Variants in TMEM254 observed in about 807,000 individuals in gnomAD.
TMEM254 encodes transmembrane protein 254.
TMEM254 carries 16 observed loss-of-function variants against 13.9 expected under a neutral mutation model. The observed-to-expected ratio is 1.15, with a 90% CI of 0.78 to 1.75. The LOEUF (loss-of-function observed/expected upper bound fraction) is 1.75. TMEM254 is among the 40% of genes most tolerant of loss of function. The pLI is 0.00. For missense variants in TMEM254, 155 were observed against 149.0 expected (o/e 1.04, Z -0.21); for synonymous variants, 61 against 56.4 (o/e 1.08, Z -0.36).
intron 1 of TMEM254, chr10:80,079,470 T>C: frequency 7.7e-6 from 8 of 1,036,102 alleles, no homozygotes; most frequent in Non-Finnish European, 9.3e-6. Context: ...CAAGTCAGAA[T>C]AGGGCTTCCG....
At chr10:80,088,973 A>T (rs1301514636) in intron 3 of TMEM254, among the ~76,000 whole-genome samples, 1 of 149,950 alleles carries the variant, frequency 6.7e-6, no homozygotes, top group Non-Finnish European at 1.5e-5. Flanking sequence ...GTTCAGTGGC[A>T]TGATCTTGGC....
intron 3 of TMEM254, among the ~76,000 whole-genome samples, chr10:80,083,209 C>A (rs1294766978): frequency 1.4e-5 from 2 of 145,194 alleles, no homozygotes; most frequent in Non-Finnish European, 3.0e-5. Flanking sequence ...TGGGTTAAAA[C>A]GATTCTGCCT....
At chr10:80,080,613 C>G (rs572762900) in intron 1 of TMEM254, among the ~76,000 whole-genome samples, 1 of 152,164 alleles carries the variant, frequency 6.6e-6, no homozygotes, top group Non-Finnish European at 1.5e-5. Flanking sequence ...TTGCTAATAT[C>G]TTTTATAAAA....
intron 3 of TMEM254, among the ~76,000 whole-genome samples, chr10:80,086,840 CAAAAAAA>C (rs71034279): frequency 7.7e-6 from 1 of 129,536 alleles, no homozygotes; most frequent in East Asian, 2.2e-4. Context: ...GACTCCATTT[CAAAAAAA>C]AAAAAAAAAT....
Position 80,091,123 on chromosome 10 carries a change from A to G in TMEM254, c.*206A>G, listed in dbSNP as rs536984068. On this transcript the variant is annotated 3_prime_UTR_variant, in exon 4 of 4. Transcript: ENST00000372281. ...AGACCAGTTGTTACTTAAGAAAGAA[A>G]CAGAGAAAGATTTTAGCTTTTCAAT... 88 of 521,040 alleles carry G rather than the reference A, an allele frequency of 1.7e-4. 1 individual carries two copies. Among genetic ancestry groups the G allele is most frequent in the Middle Eastern group, 1.1e-3 (2 of 1,854 alleles). 32.3% of individuals were successfully genotyped at this position (521,040 alleles called of 1,614,324 possible).
chr10:80,086,730 A>G (rs1417471167), intron 3 of TMEM254, among the ~76,000 whole-genome samples: 1 of 151,336 alleles, frequency 6.6e-6, no homozygotes, highest in Non-Finnish European at 1.5e-5. Flanking sequence ...AGTCCCAGCT[A>G]CTCAGGAGGC....
At chr10:80,086,048 G>C (rs1465048638) in intron 3 of TMEM254, among the ~76,000 whole-genome samples, 1 of 152,024 alleles carries the variant, frequency 6.6e-6, no homozygotes, top group South Asian at 2.1e-4. Context: ...GGGCAGCCTC[G>C]AATGACCAAA....
chr10:80,079,146 C>T (rs1382202796), intron 1 of TMEM254: 7 of 1,322,942 alleles, frequency 5.3e-6, no homozygotes, highest in Non-Finnish European at 7.0e-6. Context: ...AAGACCCTTG[C>T]CCTCTCTGGT....
rs756906099 is a variant in TMEM254 at position 80,086,183 on chromosome 10, GAATTA to G, written c.251+3986_251+3990del. ...TTGGTGGAATCATTAAGGGAAATGT[GAATTA>G]AATTAAGAAAACTTTCTTAAAAGAC... On this transcript the variant is annotated intron_variant, in intron 3 of 3. Coordinates refer to ENST00000372281, the MANE Select transcript of TMEM254 (RefSeq NM_025125.4). 810 of 1,276,516 alleles carry G rather than the reference GAATTA, an allele frequency of 6.3e-4. 1 individual carries two copies. The highest frequency in any genetic ancestry group is 8.0e-4 in the Non-Finnish European group (766 of 962,496). 79.1% of individuals were successfully genotyped at this position (1,276,516 alleles called of 1,614,324 possible).
chr10:80,080,773 T>TACACAC (rs35188589), intron 1 of TMEM254, among the ~76,000 whole-genome samples: 1,776 of 150,224 alleles, frequency 0.012, 20 homozygotes, highest in South Asian at 0.019. Flanking sequence ...ACCTCATCTC[T>TACACAC]ACACACACAC....
chr10:80,079,635 CGTTT>C (rs1843865003), intron 1 of TMEM254: 2 of 986,490 alleles, frequency 2.0e-6, no homozygotes, highest in Non-Finnish European at 2.4e-6. Context: ...AAAAGAGCGA[CGTTT>C]GTTTGGCTGA....
chr10:80,079,443 G>A (rs150170834), intron 1 of TMEM254: 15,935 of 1,087,086 alleles, frequency 0.015, 144 homozygotes, highest in Non-Finnish European at 0.017. Flanking sequence ...CAAGTTAACA[G>A]ACTGCCATAG....
chr10:80,088,161 A>G (rs186682722), intron 3 of TMEM254, among the ~76,000 whole-genome samples: 5 of 152,198 alleles, frequency 3.3e-5, no homozygotes, highest in Admixed American at 3.3e-4. Flanking sequence ...ACATACTGAT[A>G]TGTGTGGATC....
At position 80,090,784 on chromosome 10, in the gene TMEM254, T is replaced by G; in HGVS notation, c.252-13T>G. ...TAACATCTCGTGTTTAAATTTTGTT[T>G]TTTCTGTTTTAGGCATAAAGGCATC... On this transcript the variant is annotated splice_polypyrimidine_tract_variant and intron_variant, in intron 3 of 3. Transcript: ENST00000372281. 1 of 1,604,102 alleles carries G rather than the reference T, an allele frequency of 6.2e-7. No individual in the cohort carries two copies. Among genetic ancestry groups the G allele is most frequent in the Non-Finnish European group, 8.5e-7 (1 of 1,177,712 alleles).
In TMEM254 at chr10:80,085,752, A is replaced by C. The variant is rs189717017; in HGVS notation, c.251+3548A>C. Among the ~76,000 whole-genome samples, 925 of 152,256 alleles carry C rather than the reference A, an allele frequency of 6.1e-3. 11 individuals are homozygous for C. Among genetic ancestry groups the C allele is most frequent in the African/African-American group, 0.021 (890 of 41,502 alleles). On this transcript the variant is annotated intron_variant, in intron 3 of 3. Transcript: ENST00000372281. ...AATTCTTGTTACATAACAATACTTT[A>C]ACAAGAAAAATAGAATGTTTTTTCC...
chr10:80,079,621 T>TA, intron 1 of TMEM254: 1 of 986,712 alleles, frequency 1.0e-6, no homozygotes, highest in Non-Finnish European at 1.2e-6. Flanking sequence ...AAGCTGTACC[T>TA]AGAAAAAGAG....
rs556623017 is a variant in TMEM254, at chr10:80,080,508, G to A, written c.88-1333G>A. On this transcript the variant is annotated intron_variant, in intron 1 of 3. Coordinates refer to ENST00000372281, the MANE Select transcript of TMEM254 (RefSeq NM_025125.4). ...ATTCTCAGTTTTAGCCGTACAAAAA[G>A]GGAAAGCCGAGAAAGGAATTCTAAA... Among the ~76,000 whole-genome samples the A allele has an allele frequency of 4.6e-5, 7 of 152,324 alleles. No homozygotes were observed. In the South Asian group the frequency reaches 1.4e-3, roughly 32 times the overall value.
At chr10:80,080,425 T>C (rs1843934087) in intron 1 of TMEM254, among the ~76,000 whole-genome samples, 1 of 152,180 alleles carries the variant, frequency 6.6e-6, no homozygotes, top group African/African-American at 2.4e-5. Flanking sequence ...GATTAAGCAG[T>C]TGCTATTAAA....
At chr10:80,083,702 TCTC>T (rs1163258520) in intron 3 of TMEM254, among the ~76,000 whole-genome samples, 1 of 152,140 alleles carries the variant, frequency 6.6e-6, no homozygotes, top group Non-Finnish European at 1.5e-5. Context: ...CACTTCACCT[TCTC>T]CTCTATTCAC....
Sources: allele counts gnomAD v4.1 joint callset (sites outside exome capture counted in the v4.1 genomes callset), GRCh38; gene constraint gnomAD v4.1.1; transcripts MANE v1.5; gene names NCBI Gene and HGNC (gene_info 2026-07-23, HGNC 2026-07-21).